CATSPERB: variants seen among roughly 807,000 people sequenced by gnomAD.
The protein encoded by CATSPERB is cation channel sperm-associated auxiliary subunit beta.
A neutral mutation model predicts 128.3 loss-of-function variants in CATSPERB; 93 were observed. That is an observed-to-expected ratio of 0.72 (90% CI 0.61 to 0.86). CATSPERB has a LOEUF of 0.86. Among genes scored for constraint, CATSPERB ranks in the 40% least tolerant of loss-of-function variants. The probability of loss-of-function intolerance (pLI) is 0.00; values close to 1 mark genes in which losing one functional copy is unlikely to be tolerated. For missense variants in CATSPERB, 1,153 were observed against 1,329.5 expected (o/e 0.87, Z 2.06); for synonymous variants, 381 against 448.8 (o/e 0.85, Z 1.91).
At chr14:91,581,210 C>T in intron 26 of CATSPERB, 103 bp from the exon 27 acceptor site, 1 of 897,784 alleles carries the variant, frequency 1.1e-6, no homozygotes. Context: ...AAACGCTGCC[C>T]AGAGTTACAA....
chr14:91,724,525 T>G (rs958265611), intron 3 of CATSPERB, among the ~76,000 whole-genome samples: 1 of 152,196 alleles, frequency 6.6e-6, no homozygotes, highest in Non-Finnish European at 1.5e-5. Context: ...TTATATATAT[T>G]TATCATAGAT....
At position 91,725,131 on chromosome 14, in the gene CATSPERB, C is replaced by G. The variant is rs779516030; in HGVS notation, c.117G>C (p.Gly39=). 1 of 1,578,188 alleles carries G rather than the reference C, an allele frequency of 6.3e-7. No individual in the cohort carries two copies. The highest frequency in any genetic ancestry group is 1.4e-5 in the African/African-American group (1 of 73,348). ...TEKRFACSNK[G]FPQENEIIKL... is the part of the protein sequence containing the mutation. The stretch of plus-strand genomic sequence containing the variant: ...TGATTATTTCATTCTCTTGAGGGAA[C>G]CCTTTGTTAGAACATGCAAAGCGTT... The change falls in exon 3 of 27, where the codon GGG becomes GGC. Residue 39 remains glycine (G), a synonymous_variant. Coordinates refer to ENST00000256343, the MANE Select transcript of CATSPERB (RefSeq NM_024764.4).
intron 9 of CATSPERB, among the ~76,000 whole-genome samples, chr14:91,692,194 A>AG (rs1232527754): frequency 7.9e-4 from 119 of 150,092 alleles, no homozygotes; most frequent in African/African-American, 2.8e-3. Flanking sequence ...AAAAAAAAAA[A>AG]AAGAAGAAGT....
intron 10 of CATSPERB, among the ~76,000 whole-genome samples, chr14:91,690,309 A>G (rs1191972580): frequency 1.3e-5 from 2 of 151,992 alleles, no homozygotes; most frequent in Non-Finnish European, 2.9e-5. Flanking sequence ...TATTTTTTAT[A>G]CCAATTCCAT....
intron 15 of CATSPERB, among the ~76,000 whole-genome samples, chr14:91,653,267 GTTT>G (rs1894738375): frequency 6.6e-6 from 1 of 152,130 alleles, no homozygotes; most frequent in Non-Finnish European, 1.5e-5. Flanking sequence ...TGGTGACAGT[GTTT>G]TTCTAATTTC....
chr14:91,703,039 C>T (rs1895677166), intron 7 of CATSPERB, among the ~76,000 whole-genome samples: 1 of 151,992 alleles, frequency 6.6e-6, no homozygotes. Flanking sequence ...AGCCTTCTAG[C>T]ATACCCATAT....
chr14:91,635,492 G>C (rs911661318), intron 17 of CATSPERB: 1 of 151,978 alleles, frequency 6.6e-6, no homozygotes, highest in African/African-American at 2.4e-5. Flanking sequence ...CAGTAGCTGG[G>C]ATTACAGATG....
chr14:91,687,975 T>C (rs1895403372), intron 10 of CATSPERB, among the ~76,000 whole-genome samples: 1 of 150,438 alleles, frequency 6.6e-6, no homozygotes, highest in African/African-American at 2.4e-5. Flanking sequence ...AAAATCCTTA[T>C]CTAGTACTCC....
chr14:91,648,874 G>A (rs1330458262), intron 15 of CATSPERB, among the ~76,000 whole-genome samples: 3 of 151,858 alleles, frequency 2.0e-5, no homozygotes, highest in East Asian at 1.9e-4. Flanking sequence ...AGATTACCTC[G>A]GATATCTGCT....
At chr14:91,653,980 A>G (rs1166206626) in intron 15 of CATSPERB, among the ~76,000 whole-genome samples, 3 of 152,210 alleles carry the variant, frequency 2.0e-5, no homozygotes, top group African/African-American at 7.2e-5. Context: ...ACTATGTTAG[A>G]GCAAATAGAA....
intron 21 of CATSPERB, 80 bp downstream of exon 21, chr14:91,610,400 G>A: frequency 8.8e-7 from 1 of 1,134,538 alleles, no homozygotes. Flanking sequence ...AAGAAATGCT[G>A]AAACTGAATG....
intron 9 of CATSPERB, among the ~76,000 whole-genome samples, chr14:91,692,728 G>A (rs1042121932): frequency 2.6e-5 from 4 of 152,064 alleles, no homozygotes; most frequent in Non-Finnish European, 2.9e-5. Flanking sequence ...TCACCTAAAC[G>A]TGTATTTCCC....
chr14:91,708,013 A>T, intron 6 of CATSPERB, 128 bp downstream of exon 6: 1 of 675,586 alleles, frequency 1.5e-6, no homozygotes, highest in Non-Finnish European at 2.6e-6. Context: ...AAGGGTCATG[A>T]TTATCTCCTA....
Position 91,664,304 on chromosome 14 carries a change from C to T in CATSPERB, c.1288-4323G>A, listed in dbSNP as rs1325076092. Among the ~76,000 whole-genome samples, 4 of 130,116 alleles carry T rather than the reference C, an allele frequency of 3.1e-5. No individual in the cohort carries two copies. The East Asian group carries it at 1.0e-3, about 33-fold the overall frequency. The allele number at this position is 130,116 out of a possible 152,430, so 85.4% of individuals were successfully genotyped here. ...TTTTTGAGACAGAGTCTCACTCAATCACCCAGGCTGGAGTGCAGTGGTGCA... is the reference window on the plus strand; with the variant it reads ...TTTTTGAGACAGAGTCTCACTCAATTACCCAGGCTGGAGTGCAGTGGTGCA... On this transcript the variant is annotated intron_variant, in intron 14 of 26. Transcript: ENST00000256343.
intron 7 of CATSPERB, among the ~76,000 whole-genome samples, chr14:91,698,815 A>T (rs1351988456): frequency 6.6e-6 from 1 of 152,162 alleles, no homozygotes; most frequent in Non-Finnish European, 1.5e-5. Context: ...AGTAGTGTAC[A>T]TTGTACCTAA....
At chr14:91,688,404 G>A (rs143211774) in intron 10 of CATSPERB, among the ~76,000 whole-genome samples, 3 of 152,114 alleles carry the variant, frequency 2.0e-5, no homozygotes, top group African/African-American at 7.2e-5. Flanking sequence ...TATATTCCTT[G>A]GATATGCCTA....
At position 91,691,843 on chromosome 14, in the gene CATSPERB, C is replaced by T. The variant is rs111955199; in HGVS notation, c.832-288G>A. On this transcript the variant is annotated intron_variant, in intron 9 of 26. Coordinates refer to ENST00000256343, the MANE Select transcript of CATSPERB (RefSeq NM_024764.4). ...GTGTGATTCCAGAAAGGATTTGAGACGAAAACCATGCCTTTTAATGATTTA... is the reference window on the plus strand; with the variant it reads ...GTGTGATTCCAGAAAGGATTTGAGATGAAAACCATGCCTTTTAATGATTTA... Among the ~76,000 whole-genome samples, 819 of 152,062 alleles carry T rather than the reference C, an allele frequency of 5.4e-3. 9 individuals carry two copies. The highest frequency in any genetic ancestry group is 0.018 in the African/African-American group (747 of 41,470).
intron 15 of CATSPERB, among the ~76,000 whole-genome samples, chr14:91,652,885 G>T (rs1254227056): frequency 6.6e-6 from 1 of 152,018 alleles, no homozygotes; most frequent in Non-Finnish European, 1.5e-5. Context: ...AAACCACATG[G>T]ATTAATCTTG....
intron 22 of CATSPERB, chr14:91,604,894 C>T: frequency 7.7e-7 from 1 of 1,291,530 alleles, no homozygotes; most frequent in African/African-American, 1.5e-5. Context: ...GGTTCTGGAA[C>T]CACGTCTTAA....
Sources: allele counts gnomAD v4.1 joint callset (sites outside exome capture counted in the v4.1 genomes callset), GRCh38; gene constraint gnomAD v4.1.1; transcripts MANE v1.5; gene names NCBI Gene and HGNC (gene_info 2026-07-23, HGNC 2026-07-21).